GRM7: variants seen among roughly 807,000 people sequenced by gnomAD.
GRM7 encodes the protein metabotropic glutamate receptor 7.
Under a neutral mutation model 84.5 loss-of-function variants are expected in GRM7, and 35 were observed. That is an observed-to-expected ratio of 0.41 (90% CI 0.32 to 0.55). The LOEUF (loss-of-function observed/expected upper bound fraction) is 0.55. Among genes scored for constraint, GRM7 ranks in the 20% least tolerant of loss-of-function variants. The probability of loss-of-function intolerance (pLI) is 0.19; values close to 1 mark genes in which losing one functional copy is unlikely to be tolerated. For synonymous variants in GRM7, 487 were observed against 455.1 expected, an observed-to-expected ratio of 1.07 and a Z score of -0.89; for missense variants, 1,003 against 1,194.6, an observed-to-expected ratio of 0.84 and a Z score of 2.36.
chr3:7,619,857 T>C (rs1697277020), intron 8 of GRM7, among the ~76,000 whole-genome samples: 1 of 152,170 alleles, frequency 6.6e-6, no homozygotes, highest in South Asian at 2.1e-4. Flanking sequence ...TCCTCAGTAG[T>C]CATGGGATCT....
chr3:7,551,995 G>T (rs1693501368), intron 7 of GRM7, among the ~76,000 whole-genome samples: 1 of 152,094 alleles, frequency 6.6e-6, no homozygotes, highest in African/African-American at 2.4e-5. Context: ...AAGTGGGGAA[G>T]AGCCCCTTAT....
In GRM7 at chr3:7,740,506, G is replaced by A. The variant is rs559901831; in HGVS notation, c.*100G>A. 27 of 638,536 alleles carry A rather than the reference G, an allele frequency of 4.2e-5. 1 individual carries two copies. The highest frequency in any genetic ancestry group is 1.1e-4 in the Admixed American group (3 of 28,246). 39.6% of individuals were successfully genotyped at this position (638,536 alleles called of 1,614,324 possible). Reference sequence around the variant, plus strand: ...TTGGTCCTACCCGCTTCCCATCACCGGAGGAGCTTCCCCGGCCGGGAGACC... The same window carrying A: ...TTGGTCCTACCCGCTTCCCATCACCAGAGGAGCTTCCCCGGCCGGGAGACC... On this transcript the variant is annotated 3_prime_UTR_variant, in exon 10 of 10. Transcript: ENST00000357716.
At position 7,482,891 on chromosome 3, in the gene GRM7, G is replaced by C. The variant is rs1285508088; in HGVS notation, c.1515+21169G>C. 3.3e-5 allele frequency among the ~76,000 whole-genome samples: 5 copies of C among 152,066 alleles called. No homozygotes were observed. In the East Asian group the frequency reaches 9.6e-4, roughly 29 times the overall value. ...TCATTTGGTGAATTTTAAAATAAGTGACATTAAATAAATTCCACATTCCTT... is the reference window on the plus strand; with the variant it reads ...TCATTTGGTGAATTTTAAAATAAGTCACATTAAATAAATTCCACATTCCTT... On this transcript the variant is annotated intron_variant, in intron 7 of 9. Coordinates refer to ENST00000357716, the MANE Select transcript of GRM7 (RefSeq NM_000844.4).
rs533739039 is a variant in GRM7 at position 7,188,955 on chromosome 3, A to C, written c.736+42287A>C. ...TAGCTGGATGGATGTGTGTGGACTC[A>C]TCTAGGAACAAAGAGCCTAGGAGCT... On this transcript the variant is annotated intron_variant, in intron 2 of 9. Transcript: ENST00000357716. This position sits in a 1 kb window ranked among gnomAD's most constrained non-coding sequence, Gnocchi z 4.2. Among the ~76,000 whole-genome samples the C allele has an allele frequency of 1.2e-4, 19 of 152,202 alleles. No individual in the cohort carries two copies. The highest frequency in any genetic ancestry group is 3.9e-4 in the Admixed American group (6 of 15,258).
At chr3:7,311,148 T>A (rs1013118977) in intron 4 of GRM7, among the ~76,000 whole-genome samples, 1 of 152,160 alleles carries the variant, frequency 6.6e-6, no homozygotes, top group Non-Finnish European at 1.5e-5. Flanking sequence ...GAAAAATCTT[T>A]TTAAAAAAGA....
intron 1 of GRM7, among the ~76,000 whole-genome samples, chr3:6,902,587 G>A (rs1029305749): frequency 6.6e-6 from 1 of 152,092 alleles, no homozygotes. Flanking sequence ...ATTGTGTCCT[G>A]TAGTCTATTA....
intron 1 of GRM7, among the ~76,000 whole-genome samples, chr3:6,951,875 GT>G (rs1692786800): frequency 1.3e-5 from 2 of 152,062 alleles, no homozygotes; most frequent in African/African-American, 4.8e-5. Flanking sequence ...TTGTAGCTCT[GT>G]TTTTTGCCTA....
At chr3:6,894,520 C>T (rs1263938379) in intron 1 of GRM7, among the ~76,000 whole-genome samples, 1 of 151,960 alleles carries the variant, frequency 6.6e-6, no homozygotes, top group Non-Finnish European at 1.5e-5. Flanking sequence ...GTAATATATA[C>T]ATTGTAATTG....
intron 7 of GRM7, among the ~76,000 whole-genome samples, chr3:7,525,452 C>T (rs1169528914): frequency 1.3e-5 from 2 of 151,996 alleles, no homozygotes; most frequent in East Asian, 1.9e-4. Flanking sequence ...CTCCTAGACT[C>T]GAGTGATCCA....
chr3:6,949,970 A>G (rs1477921733), intron 1 of GRM7, among the ~76,000 whole-genome samples: 3 of 152,014 alleles, frequency 2.0e-5, no homozygotes, highest in African/African-American at 7.2e-5. Context: ...ATTTTTTTTC[A>G]AAGTTTTTAA....
chr3:7,687,768 T>TTC (rs1314258673), intron 9 of GRM7, among the ~76,000 whole-genome samples: 2 of 152,038 alleles, frequency 1.3e-5, no homozygotes, highest in African/African-American at 2.4e-5. Context: ...AATAAAATCT[T>TTC]TCTCTCTCTC....
intron 2 of GRM7, among the ~76,000 whole-genome samples, chr3:7,250,268 A>C (rs1054858854): frequency 1.3e-5 from 2 of 152,172 alleles, no homozygotes; most frequent in Non-Finnish European, 2.9e-5. Context: ...GGATTACATC[A>C]TTCCTTATAA....
At chr3:7,344,318 C>G (rs565881217) in intron 4 of GRM7, among the ~76,000 whole-genome samples, 12 of 152,186 alleles carry the variant, frequency 7.9e-5, no homozygotes, top group African/African-American at 2.4e-4. Flanking sequence ...TTGTTTAGTT[C>G]CAACTTATAA....
chr3:6,863,639 CCCTT>C lies in GRM7; in HGVS notation c.519+1738_519+1741del, dbSNP rs561962705. Reference sequence around the variant, plus strand: ...CCTGGCTTGTAGCTGAAACCCAGAGCCCTTCCTTCATCTTTGAGCTTAAAGCTAG... The same window carrying C: ...CCTGGCTTGTAGCTGAAACCCAGAGCCCTTCATCTTTGAGCTTAAAGCTAG... On this transcript the variant is annotated intron_variant, in intron 1 of 9. Transcript: ENST00000357716. The surrounding 1 kb of genome is among the most constrained non-coding windows in gnomAD (Gnocchi z 4.8). 6.6e-6 allele frequency among the ~76,000 whole-genome samples: 1 copy of C among 152,122 alleles called. No homozygotes were observed. The highest frequency in any genetic ancestry group is 2.1e-4 in the South Asian group (1 of 4,826).
intron 1 of GRM7, among the ~76,000 whole-genome samples, chr3:7,029,804 G>T (rs780916659): frequency 6.6e-6 from 1 of 152,146 alleles, no homozygotes; most frequent in East Asian, 1.9e-4. Flanking sequence ...TTACGCAATC[G>T]TGCTAACATG....
At chr3:7,060,008 G>T (rs1430348005) in intron 1 of GRM7, among the ~76,000 whole-genome samples, 1 of 151,886 alleles carries the variant, frequency 6.6e-6, no homozygotes, top group Non-Finnish European at 1.5e-5. Flanking sequence ...CATATTCCAG[G>T]CGAAGTCCAA....
chr3:7,192,732 T>C (rs1379862582), intron 2 of GRM7, among the ~76,000 whole-genome samples: 1 of 152,068 alleles, frequency 6.6e-6, no homozygotes, highest in Admixed American at 6.6e-5. Context: ...AGAATATTCT[T>C]TTATTTCTCA....
intron 1 of GRM7, among the ~76,000 whole-genome samples, chr3:6,986,275 T>C (rs1694407434): frequency 6.6e-6 from 1 of 152,184 alleles, no homozygotes; most frequent in Non-Finnish European, 1.5e-5. Flanking sequence ...GTGATAGACA[T>C]GTTTACCACC....
At chr3:7,119,900 T>C (rs1302833423) in intron 1 of GRM7, among the ~76,000 whole-genome samples, 1 of 152,150 alleles carries the variant, frequency 6.6e-6, no homozygotes, top group Non-Finnish European at 1.5e-5. Context: ...CCTCCCATTG[T>C]AATATGTGTT....
Sources: allele counts gnomAD v4.1 joint callset (sites outside exome capture counted in the v4.1 genomes callset), GRCh38; gene constraint gnomAD v4.1.1; non-coding constraint Gnocchi (gnomAD v3.1); transcripts MANE v1.5; gene names NCBI Gene and HGNC (gene_info 2026-07-23, HGNC 2026-07-21).